The following MCTP2 variants were observed in gnomAD, a reference collection of about 807,000 sequenced individuals.
MCTP2 encodes multiple C2 and transmembrane domain-containing protein 2.
Under a neutral mutation model 111.6 loss-of-function variants are expected in MCTP2, and 132 were observed. That is an observed-to-expected ratio of 1.18 (90% confidence interval 1.03 to 1.37). The LOEUF (loss-of-function observed/expected upper bound fraction) is 1.37, where lower values mean the gene tolerates loss of function less well. Ranked by LOEUF, MCTP2 falls within the 40% of genes most tolerant of loss-of-function variation. The pLI, the probability that MCTP2 is intolerant of heterozygous loss-of-function variation, is 0.00. For missense variants in MCTP2, 1,183 were observed against 1,067.9 expected (o/e 1.11, Z -1.50); for synonymous variants, 395 against 387.7 (o/e 1.02, Z -0.22).
At chr15:94,241,616 G>C (rs1403774275) in intron 1 of MCTP2, among the ~76,000 whole-genome samples, 1 of 152,070 alleles carries the variant, frequency 6.6e-6, no homozygotes, top group Non-Finnish European at 1.5e-5. Context: ...GAATAGTATA[G>C]AACAATATTA....
chr15:94,421,496 G>A (rs547541725), intron 17 of MCTP2, among the ~76,000 whole-genome samples: 4 of 152,284 alleles, frequency 2.6e-5, no homozygotes, highest in African/African-American at 9.6e-5. Flanking sequence ...ATTAAGGGAG[G>A]GCTCTTTTTC....
At chr15:94,381,635 G>A (rs2080143340) in intron 12 of MCTP2, among the ~76,000 whole-genome samples, 1 of 152,194 alleles carries the variant, frequency 6.6e-6, no homozygotes, top group African/African-American at 2.4e-5. Context: ...GTGTCATGCT[G>A]GCGTCTCTGG....
At chr15:94,380,573 G>C (rs1255839274) in intron 12 of MCTP2, among the ~76,000 whole-genome samples, 4 of 152,236 alleles carry the variant, frequency 2.6e-5, no homozygotes, top group Admixed American at 6.5e-5. Flanking sequence ...TTTGAGACCA[G>C]CCTGGCCAAC....
intron 12 of MCTP2, among the ~76,000 whole-genome samples, chr15:94,378,619 A>G (rs2079916003): frequency 6.6e-6 from 1 of 152,234 alleles, no homozygotes; most frequent in African/African-American, 2.4e-5. Context: ...AGAAATTAAG[A>G]TAAATAACAT....
intron 1 of MCTP2, among the ~76,000 whole-genome samples, chr15:94,294,941 C>CTTTTTTTTTTTTTTTTTT: frequency 1.4e-5 from 1 of 73,988 alleles, no homozygotes; most frequent in Non-Finnish European, 2.4e-5. Context: ...TTTTCTTTTC[C>CTTTTTTTTTTTTTTTTTT]TTTTTTTTTT....
In MCTP2 at chr15:94,423,011, A is replaced by G. The variant is rs529129120; in HGVS notation, c.2086-17165A>G. Among the ~76,000 whole-genome samples the G allele has an allele frequency of 3.3e-5, 5 of 152,252 alleles. No individual in the cohort carries two copies. The South Asian group carries it at 8.3e-4, about 25-fold the overall frequency. The stretch of plus-strand genomic sequence containing the variant: ...ACACCTAGGCTAAGCTGTTAGTCTT[A>G]CCTAAGCACTTTCATTGTTTAGCAT... On this transcript the variant is annotated intron_variant, in intron 17 of 22. Transcript: ENST00000357742.
At chr15:94,448,149 CT>C (rs1029741205) in intron 19 of MCTP2, among the ~76,000 whole-genome samples, 2 of 152,124 alleles carry the variant, frequency 1.3e-5, no homozygotes, top group Non-Finnish European at 2.9e-5. Flanking sequence ...CTTAAATATT[CT>C]TTTTAAAAAT....
At chr15:94,296,696 C>G (rs992463294) in intron 1 of MCTP2, among the ~76,000 whole-genome samples, 5 of 152,220 alleles carry the variant, frequency 3.3e-5, no homozygotes, top group African/African-American at 4.8e-5. Context: ...ACTAGGTAAT[C>G]TCGTCCCCAC....
chr15:94,476,649 T>TAGATAGAC (rs756773056), intron 21 of MCTP2, 47 bp from the exon 22 acceptor site: 709 of 736,572 alleles, frequency 9.6e-4, no homozygotes, highest in African/African-American at 6.3e-3. Context: ...GATAGATAGA[T>TAGATAGAC]AGACAGACAG....
intron 4 of MCTP2, among the ~76,000 whole-genome samples, chr15:94,328,229 T>C (rs11635903): frequency 0.18 from 26,800 of 150,988 alleles, 2,800 homozygotes; most frequent in Middle Eastern, 0.34. Context: ...CCCGGGTTCA[T>C]ACCATTCTCC....
At chr15:94,418,553 A>T (rs924048080) in intron 17 of MCTP2, among the ~76,000 whole-genome samples, 1 of 152,132 alleles carries the variant, frequency 6.6e-6, no homozygotes, top group East Asian at 1.9e-4. Flanking sequence ...CTAGGGGGAA[A>T]AAGCCAATAG....
At chr15:94,440,647 A>G (rs1223262463) in intron 18 of MCTP2, among the ~76,000 whole-genome samples, 1 of 152,138 alleles carries the variant, frequency 6.6e-6, no homozygotes, top group Non-Finnish European at 1.5e-5. Flanking sequence ...TCTGTGGGCC[A>G]TTGCTGGGCA....
chr15:94,340,975 A>G (rs761264299), intron 7 of MCTP2, 51 bp downstream of exon 7: 10 of 1,180,002 alleles, frequency 8.5e-6, no homozygotes, highest in Middle Eastern at 1.9e-4. Context: ...TCGTTTTGAA[A>G]TGGCTCATTG....
chr15:94,405,067 G>T (rs1488567422), intron 17 of MCTP2, among the ~76,000 whole-genome samples: 1 of 152,180 alleles, frequency 6.6e-6, no homozygotes. Context: ...TAAATGACCC[G>T]TAGTCAGGTC....
At chr15:94,428,345 C>T (rs1596675348) in intron 17 of MCTP2, among the ~76,000 whole-genome samples, 1 of 152,278 alleles carries the variant, frequency 6.6e-6, no homozygotes, top group East Asian at 1.9e-4. Flanking sequence ...TTCCCTGTTG[C>T]TTTGAGGAAT....
intron 4 of MCTP2, among the ~76,000 whole-genome samples, chr15:94,316,986 T>G (rs2076404130): frequency 6.6e-6 from 1 of 152,216 alleles, no homozygotes; most frequent in Non-Finnish European, 1.5e-5. Flanking sequence ...CCCATGACTT[T>G]TTCCTCTCGG....
intron 1 of MCTP2, among the ~76,000 whole-genome samples, chr15:94,252,534 A>G (rs1022111953): frequency 6.6e-6 from 1 of 152,166 alleles, no homozygotes; most frequent in Non-Finnish European, 1.5e-5. Context: ...ACAACAGTTA[A>G]TTAGGCTGTG....
At chr15:94,415,722 G>A (rs941199462) in intron 17 of MCTP2, among the ~76,000 whole-genome samples, 5 of 151,560 alleles carry the variant, frequency 3.3e-5, no homozygotes, top group African/African-American at 1.2e-4. Flanking sequence ...TTTAGGACGT[G>A]ATAACTTTGT....
chr15:94,299,825 A>G (rs1308394044), intron 2 of MCTP2, among the ~76,000 whole-genome samples: 1 of 152,252 alleles, frequency 6.6e-6, no homozygotes, highest in Admixed American at 6.5e-5. Flanking sequence ...GGGTTTCACC[A>G]GGGAAGGGAT....
Sources: allele counts gnomAD v4.1 joint callset (sites outside exome capture counted in the v4.1 genomes callset), GRCh38; gene constraint gnomAD v4.1.1; transcripts MANE v1.5; gene names NCBI Gene and HGNC (gene_info 2026-07-23, HGNC 2026-07-21).